The following NINL variants were observed in gnomAD, a reference collection of about 807,000 sequenced individuals.
NINL encodes the protein ninein-like protein.
Under a neutral mutation model 160.3 loss-of-function variants are expected in NINL, and 153 were observed. The observed-to-expected ratio is 0.95, with a 90% confidence interval of 0.84 to 1.09. The LOEUF is 1.09. Among genes scored for constraint, NINL ranks in the 50% least tolerant of loss-of-function variants. The pLI is 0.00. For missense variants in NINL, 1,829 were observed against 1,764.0 expected (o/e 1.04, Z -0.66); for synonymous variants, 800 against 734.8 (o/e 1.09, Z -1.43).
In NINL at chr20:25,511,764, C is replaced by T. The variant is rs992456379; in HGVS notation, c.451-1024G>A. On this transcript the variant is annotated intron_variant, in intron 4 of 23. Transcript: ENST00000278886. ...AGGAATGTTCTGGATTTACTGGCAT[C>T]GCCTAGATGTCACATGCCCCTGAGA... Among the ~76,000 whole-genome samples, 7 of 152,296 alleles carry T rather than the reference C, an allele frequency of 4.6e-5. No homozygotes were observed. In the South Asian group the frequency reaches 6.2e-4, roughly 14 times the overall value.
At chr20:25,461,681 G>T in intron 20 of NINL, 46 bp from the exon 21 acceptor site, 1 of 1,256,064 alleles carries the variant, frequency 8.0e-7, no homozygotes, top group Non-Finnish European at 1.2e-6. Context: ...TATCTGAAGA[G>T]TCTGGTATGT....
At position 25,476,989 on chromosome 20, in the gene NINL, G is replaced by A. The variant is rs764206456; in HGVS notation, c.2302C>T (p.Pro768Ser). The A allele has an allele frequency of 6.9e-6, 11 of 1,604,336 alleles. No individual in the cohort carries two copies. The highest frequency in any genetic ancestry group is 8.5e-6 in the Non-Finnish European group (10 of 1,179,788). The change falls in exon 17 of 24, where the codon CCC becomes TCC. Residue 768 changes from proline to serine, a missense_variant. Pro to Ser is a moderately conservative substitution (Grantham distance 74). Coordinates refer to ENST00000278886, the MANE Select transcript of NINL (RefSeq NM_025176.6). ...GACCTCTGGCTCCCGCGTGGCAGGG[G>A]TCCCTGCGGCGGCTCCTCCAGCTCC... Reference protein sequence around the residue: ...TLELEEPPQGPLPRGSQRSEQ... With the variant: ...TLELEEPPQGSLPRGSQRSEQ...
chr20:25,476,413 GCTCCCA>G lies in NINL; in HGVS notation c.2872_2877del (p.Trp958_Glu959del), dbSNP rs34410422. 0.45 allele frequency: 726,098 copies of G among 1,609,000 alleles called. 170,346 individuals carry two copies. Among genetic ancestry groups the G allele is most frequent in the East Asian group, 0.92 (40,982 of 44,786 alleles). On this transcript the variant is annotated inframe_deletion, in exon 17 of 24. Transcript: ENST00000278886. ...CACGAAGCGGCCGGCCTCAGGGGTG[GCTCCCA>G]CATCCGTGGCTGGGTTTGCGAGGCG...
Position 25,478,904 on chromosome 20 carries a change from C to T in NINL, c.2201+19G>A. On this transcript the variant is annotated intron_variant, in intron 16 of 23. Coordinates refer to ENST00000278886, the MANE Select transcript of NINL (RefSeq NM_025176.6). ...GCAAGAAACCCCAGACTTGAAATCT[C>T]AAAAGAAGCTGGCTGGACCTGATCT... is the stretch of plus-strand genomic sequence containing the variant. 6.7e-7 allele frequency: 1 copy of T among 1,492,394 alleles called. No homozygotes were observed. The highest frequency in any genetic ancestry group is 2.3e-5 in the East Asian group (1 of 43,638). The allele number at this position is 1,492,394 out of a possible 1,614,324, so 92.4% of individuals were successfully genotyped here.
chr20:25,498,872 A>T, intron 8 of NINL: 1 of 981,884 alleles, frequency 1.0e-6, no homozygotes, highest in Non-Finnish European at 1.2e-6. Context: ...AGAAATGTGA[A>T]GAATACACTA....
At chr20:25,461,230 A>C (rs1248483911) in intron 21 of NINL, among the ~76,000 whole-genome samples, 1 of 152,154 alleles carries the variant, frequency 6.6e-6, no homozygotes, top group East Asian at 1.9e-4. Flanking sequence ...CACAGTCCCC[A>C]GGCTTGCCTC....
intron 13 of NINL, among the ~76,000 whole-genome samples, chr20:25,484,700 G>A (rs2063473019): frequency 6.6e-6 from 1 of 152,238 alleles, no homozygotes; most frequent in South Asian, 2.1e-4. Flanking sequence ...AATGCCAATG[G>A]CATGGACAGA....
In NINL at chr20:25,476,696, A is replaced by G; in HGVS notation, c.2595T>C (p.Asp865=). Reference sequence around the variant, plus strand: ...CTGCCGCCTCCTCAGACTCTCTGCCATCACCTGGGGCCAGCCAGGCCAGTG... The same window carrying G: ...CTGCCGCCTCCTCAGACTCTCTGCCGTCACCTGGGGCCAGCCAGGCCAGTG... The part of the protein sequence containing the change: ...ERPLAWLAPG[D]GRESEEAAGA... The change falls in exon 17 of 24, where the codon GAT becomes GAC. Residue 865 remains aspartate, a synonymous_variant. Coordinates refer to ENST00000278886, the MANE Select transcript of NINL (RefSeq NM_025176.6). 1.3e-6 allele frequency: 2 copies of G among 1,595,620 alleles called. No homozygotes were observed. Among genetic ancestry groups the G allele is most frequent in the Non-Finnish European group, 1.7e-6 (2 of 1,175,562 alleles).
At chr20:25,491,322 C>A in intron 11 of NINL, 29 bp downstream of exon 11, 1 of 1,583,244 alleles carries the variant, frequency 6.3e-7, no homozygotes, top group Non-Finnish European at 8.6e-7. Context: ...ACCCCCCCAG[C>A]TTCCTGGATG....
chr20:25,556,519 G>C (rs2064868523), intron 1 of NINL, among the ~76,000 whole-genome samples: 1 of 152,036 alleles, frequency 6.6e-6, no homozygotes. Context: ...CAGCTACTTG[G>C]GAGACTGAGG....
At chr20:25,461,987 C>T (rs186804300) in intron 20 of NINL, among the ~76,000 whole-genome samples, 2 of 152,150 alleles carry the variant, frequency 1.3e-5, no homozygotes, top group African/African-American at 4.8e-5. Context: ...GTGACTCGGC[C>T]GATTTCAGTT....
chr20:25,528,849 C>T (rs2064401997), intron 1 of NINL, among the ~76,000 whole-genome samples: 2 of 152,318 alleles, frequency 1.3e-5, no homozygotes, highest in East Asian at 1.9e-4. Context: ...GTCAATCAAG[C>T]TCATTCATAA....
chr20:25,472,277 T>C (rs2063112122), intron 17 of NINL, among the ~76,000 whole-genome samples: 1 of 141,686 alleles, frequency 7.1e-6, no homozygotes, highest in Non-Finnish European at 1.5e-5. Flanking sequence ...TAAAGTGAAA[T>C]GCTCTAACAG....
intron 13 of NINL, among the ~76,000 whole-genome samples, chr20:25,485,414 A>C (rs984963153): frequency 6.6e-6 from 1 of 152,260 alleles, no homozygotes; most frequent in Non-Finnish European, 1.5e-5. Context: ...GATCACCTGC[A>C]GGAGCAGGAA....
intron 2 of NINL, among the ~76,000 whole-genome samples, chr20:25,523,877 G>A (rs1015624421): frequency 2.7e-5 from 4 of 150,776 alleles, no homozygotes; most frequent in African/African-American, 9.8e-5. Flanking sequence ...CCGAACTTGT[G>A]ATCCACCTGC....
intron 21 of NINL, among the ~76,000 whole-genome samples, chr20:25,460,905 C>G (rs2062769238): frequency 6.8e-6 from 1 of 147,764 alleles, no homozygotes; most frequent in Admixed American, 6.6e-5. Flanking sequence ...GGCACTCGCC[C>G]TCTGGGCACC....
intron 1 of NINL, among the ~76,000 whole-genome samples, chr20:25,529,980 A>C (rs1359875629): frequency 6.6e-6 from 1 of 152,242 alleles, no homozygotes; most frequent in Non-Finnish European, 1.5e-5. Flanking sequence ...TCCAGGGCTC[A>C]CCCAGCCCAC....
chr20:25,530,397 T>C (rs1287250619), intron 1 of NINL, among the ~76,000 whole-genome samples: 1 of 152,178 alleles, frequency 6.6e-6, no homozygotes, highest in African/African-American at 2.4e-5. Context: ...TGTGCAGGGC[T>C]GTAACATCAT....
intron 19 of NINL, among the ~76,000 whole-genome samples, chr20:25,466,513 G>T (rs1053074567): frequency 3.9e-5 from 6 of 152,002 alleles, no homozygotes; most frequent in Non-Finnish European, 7.4e-5. Context: ...AAAATTTTTG[G>T]GGTAAGCCGG....
Sources: gnomAD v4.1 joint callset for allele counts (sites outside exome capture counted in the v4.1 genomes callset) on GRCh38, gnomAD v4.1.1 for gene constraint, MANE v1.5 for transcripts, NCBI Gene and HGNC (gene_info 2026-07-23, HGNC 2026-07-21) for gene names.